Variants in POLRMT observed in about 807,000 individuals in gnomAD.
POLRMT encodes the protein DNA-directed RNA polymerase, mitochondrial.
In POLRMT, 114 loss-of-function variants were observed where a neutral mutation model predicts 132.2. The ratio of observed to expected loss-of-function variants is 0.86; its 90% CI spans 0.74 to 1.01. The LOEUF (loss-of-function observed/expected upper bound fraction) is 1.01, where lower values mean the gene tolerates loss of function less well. Ranked by LOEUF, POLRMT falls within the 50% of genes least tolerant of loss-of-function variation. The probability of loss-of-function intolerance (pLI) is 0.00; values close to 1 mark genes in which losing one functional copy is unlikely to be tolerated. For missense variants in POLRMT, 2,003 were observed against 1,729.1 expected (o/e 1.16, Z -2.81); for synonymous variants, 1,020 against 773.4 (o/e 1.32, Z -5.29).
At chr19:619,827 C>G in intron 12 of POLRMT, 62 bp from the exon 13 acceptor site, 1 of 1,549,430 alleles carries the variant, frequency 6.5e-7, no homozygotes, top group Non-Finnish European at 8.7e-7. Context: ...GGCCACCAAG[C>G]ACCCATGAAG....
At chr19:618,864 C>T in intron 15 of POLRMT, 104 bp from the exon 16 acceptor site, 1 of 1,414,812 alleles carries the variant, frequency 7.1e-7, no homozygotes, top group Non-Finnish European at 9.7e-7. Context: ...GATGGTGGCA[C>T]ACTGGCGCGG....
Position 627,509 on chromosome 19 carries a change from G to A in POLRMT, c.822+2031C>T, listed in dbSNP as rs117852770. 6.6e-4 allele frequency among the ~76,000 whole-genome samples: 100 copies of A among 152,172 alleles called. No individual in the cohort carries two copies. The East Asian group carries it at 0.016, about 24-fold the overall frequency. Reference sequence around the variant, plus strand: ...TGGTAGACCTCACTGGCCACACATAGTCCTTAAATTGAAATATTCAGTTCT... The same window carrying A: ...TGGTAGACCTCACTGGCCACACATAATCCTTAAATTGAAATATTCAGTTCT... On this transcript the variant is annotated intron_variant, in intron 3 of 20. Coordinates refer to ENST00000588649, the MANE Select transcript of POLRMT (RefSeq NM_005035.4).
In POLRMT at chr19:620,393, G is replaced by A. The variant is rs143734190; in HGVS notation, c.2735C>T (p.Ala912Val). The change falls in exon 11 of 21, where the codon GCC (alanine) becomes GTC (valine). Residue 912 changes from alanine (A) to valine (V), a missense_variant. Transcript: ENST00000588649. ...ATGGACGGGGAGGTGGGAGACATAG[G>A]CGGCAGGGTCGGAGGCGCGCACAGC... ...ANAVRASDPA[A>V]YVSHLPVHQD... 79 of 1,582,946 alleles carry A rather than the reference G, an allele frequency of 5.0e-5. No individual in the cohort carries two copies. In the African/African-American group the frequency reaches 8.3e-4, roughly 17 times the overall value.
chr19:624,978 C>G, intron 4 of POLRMT, 73 bp from the exon 5 acceptor site: 4 of 1,539,640 alleles, frequency 2.6e-6, no homozygotes, highest in Non-Finnish European at 3.5e-6. Context: ...AGGGGAACCT[C>G]GTGACCACCT....
At chr19:617,529 G>T (rs765551126) in intron 19 of POLRMT, 41 bp downstream of exon 19, 210 of 1,579,962 alleles carry the variant, frequency 1.3e-4, no homozygotes, top group Non-Finnish European at 1.8e-4. Flanking sequence ...GTTTTGGGGT[G>T]GGGGGGGAAT....
Position 621,244 on chromosome 19 carries a change from G to T in POLRMT, c.2454C>A (p.Ser818Arg). The part of the protein sequence containing the change: ...PCPPHFNHLG[S>R]DVARALLEFA... ...ACTCCAGCAGGGCCCGCGCCACGTC[G>T]CTGCCCAGGTGGTTGAAGTGCGGCG... The change falls in exon 10 of 21, where the codon AGC (serine) becomes AGA (arginine). Residue 818 changes from serine (S) to arginine (R), a missense_variant. By Grantham distance (110) the Ser-to-Arg change is moderately radical. Transcript: ENST00000588649. 6.2e-7 allele frequency: 1 copy of T among 1,608,880 alleles called. No homozygotes were observed. The highest frequency in any genetic ancestry group is 2.2e-5 in the East Asian group (1 of 44,744).
Position 619,568 on chromosome 19 carries a change from G to A in POLRMT, c.3066+18C>T, listed in dbSNP as rs368826581. ...GCAGTGAAACCAACGTGTTCGCAGCGCGACATGCCTGGCGCACCTGGGGAA... is the reference window on the plus strand; with the variant it reads ...GCAGTGAAACCAACGTGTTCGCAGCACGACATGCCTGGCGCACCTGGGGAA... On this transcript the variant is annotated intron_variant, in intron 13 of 20. Transcript: ENST00000588649. 34 of 1,611,228 alleles carry A rather than the reference G, an allele frequency of 2.1e-5. No individual in the cohort carries two copies. Among genetic ancestry groups the A allele is most frequent in the African/African-American group, 6.7e-5 (5 of 74,854 alleles).
intron 2 of POLRMT, among the ~76,000 whole-genome samples, chr19:631,455 C>T (rs1369155550): frequency 1.3e-5 from 2 of 151,154 alleles, no homozygotes; most frequent in Admixed American, 6.6e-5. Flanking sequence ...CTGGCTAACA[C>T]GGTGAAACCC....
rs115969318 is a variant in POLRMT at position 618,698 on chromosome 19, C to T, written c.3323+7G>A. On this transcript the variant is annotated splice_region_variant and intron_variant, in intron 16 of 20. Transcript: ENST00000588649. ...CGGCCAGGCCCCAGCCCGGGCCCCC[C>T]ACTCACCGGCTGATGTCTCCGTTGT... is the stretch of plus-strand genomic sequence containing the variant. 1.9e-6 allele frequency: 3 copies of T among 1,606,720 alleles called. No homozygotes were observed. Among genetic ancestry groups the T allele is most frequent in the East Asian group, 2.2e-5 (1 of 44,526 alleles).
At position 622,752 on chromosome 19, in the gene POLRMT, C is replaced by T; in HGVS notation, c.1456G>A (p.Val486Ile). 1 of 1,586,226 alleles carries T rather than the reference C, an allele frequency of 6.3e-7. No homozygotes were observed. The highest frequency in any genetic ancestry group is 8.6e-7 in the Non-Finnish European group (1 of 1,168,000). Residue 486 changes from valine (V) to isoleucine (I), a missense_variant and splice_region_variant, in exon 8 of 21, where the codon GTC (valine) becomes ATC (isoleucine). Coordinates refer to ENST00000588649, the MANE Select transcript of POLRMT (RefSeq NM_005035.4). The stretch of plus-strand genomic sequence containing the variant: ...CCTTGGGCGGGCAGCGCCTGCAGGA[C>T]CTGCGGAAGGCAGCCGTGAGTGCCT... ...EREVVRMLLQVLQALPAQGES... is the reference protein window; with the variant it reads ...EREVVRMLLQILQALPAQGES...
At chr19:623,851 T>C (rs530624224) in intron 5 of POLRMT, among the ~76,000 whole-genome samples, 1 of 152,226 alleles carries the variant, frequency 6.6e-6, no homozygotes, top group East Asian at 1.9e-4. Flanking sequence ...GCAGGGGCGG[T>C]GATGCTGGGA....
chr19:628,168 A>G lies in POLRMT; in HGVS notation c.822+1372T>C, dbSNP rs376553680. 3.9e-5 allele frequency among the ~76,000 whole-genome samples: 6 copies of G among 152,174 alleles called. No individual in the cohort carries two copies. In the East Asian group the frequency reaches 9.6e-4, roughly 24 times the overall value. ...GCCTCTGGAGAGACTTCGGGTCTGCAGACATCTTGATTCCAGACTTCTGGG... is the reference window on the plus strand; with the variant it reads ...GCCTCTGGAGAGACTTCGGGTCTGCGGACATCTTGATTCCAGACTTCTGGG... On this transcript the variant is annotated intron_variant, in intron 3 of 20. Transcript: ENST00000588649.
chr19:620,303 A>C (rs1284226488), intron 11 of POLRMT, 62 bp downstream of exon 11: 1 of 1,486,582 alleles, frequency 6.7e-7, no homozygotes, highest in Non-Finnish European at 9.0e-7. Context: ...TCACACCCTC[A>C]AGTCGAGCCC....
intron 4 of POLRMT, 45 bp from the exon 5 acceptor site, chr19:624,950 T>TG (rs1214296508): frequency 6.4e-7 from 1 of 1,570,546 alleles, no homozygotes; most frequent in Admixed American, 1.7e-5. Context: ...AGCCCCACGC[T>TG]GGGCTTCCAC....
In POLRMT at chr19:628,615, T is replaced by G. The variant is rs550771695; in HGVS notation, c.822+925A>C. Among the ~76,000 whole-genome samples the G allele has an allele frequency of 2.9e-5, 4 of 138,806 alleles. No individual in the cohort carries two copies. In the East Asian group the frequency reaches 6.3e-4, roughly 22 times the overall value. The allele number at this position is 138,806 out of a possible 152,430, so 91.1% of individuals were successfully genotyped here. ...AAGCTTTTACTGTTGTTTCTCAAAT[T>G]AGGGCTGAAGGATCATGGGGGGGGA... On this transcript the variant is annotated intron_variant, in intron 3 of 20. Coordinates refer to ENST00000588649, the MANE Select transcript of POLRMT (RefSeq NM_005035.4).
chr19:630,438 C>A (rs1361044552), intron 2 of POLRMT, among the ~76,000 whole-genome samples: 1 of 152,186 alleles, frequency 6.6e-6, no homozygotes, highest in African/African-American at 2.4e-5. Context: ...CACCACGTCT[C>A]CCCGGTCACT....
At chr19:620,161 C>A (rs1191509220) in intron 11 of POLRMT, 81 bp from the exon 12 acceptor site, 3 of 1,514,242 alleles carry the variant, frequency 2.0e-6, no homozygotes, top group East Asian at 2.5e-5. Context: ...CCAGGTCGAG[C>A]CGTTCCTAGG....
At chr19:625,514 G>A (rs1311501253) in intron 3 of POLRMT, 6 of 442,874 alleles carry the variant, frequency 1.4e-5, no homozygotes, top group African/African-American at 2.0e-5. Context: ...TAAACCTCCA[G>A]ATTTGTCAAT....
rs564966591 is a variant in POLRMT, at chr19:624,853, C to A, written c.1006G>T (p.Ala336Ser). The A allele has an allele frequency of 1.1e-5, 17 of 1,612,974 alleles. No homozygotes were observed. The South Asian group carries it at 1.8e-4, about 17-fold the overall frequency. ...EGLKLQALFT[A>S]VLLSEEDRAT... is the part of the protein sequence containing the mutation. The stretch of plus-strand genomic sequence containing the variant: ...CGATCCTCCTCAGACAGCAGAACGG[C>A]GGTGAAGAGTGCCTGCAGCTTCAGC... The change falls in exon 5 of 21, where the codon GCC becomes TCC. Residue 336 changes from alanine (A) to serine (S), a missense_variant. Coordinates refer to ENST00000588649, the MANE Select transcript of POLRMT (RefSeq NM_005035.4).
Sources: allele counts gnomAD v4.1 joint callset (sites outside exome capture counted in the v4.1 genomes callset), GRCh38; gene constraint gnomAD v4.1.1; transcripts MANE v1.5; gene names NCBI Gene and HGNC (gene_info 2026-07-23, HGNC 2026-07-21).